PYGO1: variants seen among roughly 807,000 people sequenced by gnomAD.
PYGO1 encodes pygopus homolog 1.
Under a neutral mutation model 29.5 loss-of-function variants are expected in PYGO1, and 6 were observed. The observed-to-expected ratio is 0.20, with a 90% CI of 0.11 to 0.40. The LOEUF is 0.40. Ranked by LOEUF, PYGO1 falls within the 10% of genes least tolerant of loss-of-function variation. The probability of loss-of-function intolerance (pLI) is 1.00; values close to 1 mark genes in which losing one functional copy is unlikely to be tolerated. For missense variants in PYGO1, 515 were observed against 514.9 expected, an observed-to-expected ratio of 1.00 and a Z score of 0.00; for synonymous variants, 186 against 180.5, an observed-to-expected ratio of 1.03 and a Z score of -0.24.
chr15:55,571,501 C>A (rs184209302), intron 1 of PYGO1, among the ~76,000 whole-genome samples: 5 of 152,216 alleles, frequency 3.3e-5, no homozygotes, highest in Non-Finnish European at 1.5e-5. Context: ...ATCATGGGGG[C>A]AGGTCTTTCC....
At chr15:55,558,759 G>A (rs571410708) in intron 1 of PYGO1, among the ~76,000 whole-genome samples, 9 of 152,066 alleles carry the variant, frequency 5.9e-5, no homozygotes, top group East Asian at 5.8e-4. Context: ...AATAAATGGT[G>A]CTGGGAAAAC....
intron 1 of PYGO1, among the ~76,000 whole-genome samples, chr15:55,563,648 C>A (rs930596575): frequency 6.6e-6 from 1 of 152,172 alleles, no homozygotes; most frequent in Non-Finnish European, 1.5e-5. Context: ...CCACGTCCAG[C>A]CACAAATAAA....
intron 1 of PYGO1, among the ~76,000 whole-genome samples, chr15:55,551,647 T>A (rs953111268): frequency 4.0e-5 from 6 of 149,410 alleles, no homozygotes; most frequent in African/African-American, 1.5e-4. Context: ...AAATTAAAAT[T>A]AAAAAAAAAA....
chr15:55,552,410 C>T (rs2058883352), intron 1 of PYGO1, among the ~76,000 whole-genome samples: 1 of 149,184 alleles, frequency 6.7e-6, no homozygotes, highest in Non-Finnish European at 1.5e-5. Flanking sequence ...GTCCATGGCT[C>T]TCAGGGAGAA....
chr15:55,566,212 C>T (rs768572692), intron 1 of PYGO1, among the ~76,000 whole-genome samples: 1 of 151,950 alleles, frequency 6.6e-6, no homozygotes, highest in East Asian at 1.9e-4. Context: ...GTTTTCAAAC[C>T]CTGCCCCTAA....
rs1449012212 is a variant in PYGO1 at position 55,539,417 on chromosome 15, T to C, written c.*6606A>G. 1 of 151,864 alleles carries C rather than the reference T, an allele frequency of 6.6e-6. No homozygotes were observed. Among genetic ancestry groups the C allele is most frequent in the African/African-American group, 2.4e-5 (1 of 41,388 alleles). The allele number at this position is 151,864 out of a possible 1,614,324, so 9.4% of individuals were successfully genotyped here. A position where few individuals can be genotyped will look rare whatever the true frequency, so the allele number is the denominator to read the frequency against. The stretch of plus-strand genomic sequence containing the variant: ...AAGCCAATTTCATTTGTCTGAGAAT[T>C]GTAACCTGGTCATTAACCAAAAAAA... On this transcript the variant is annotated 3_prime_UTR_variant, in exon 3 of 3. Transcript: ENST00000563719.
chr15:55,558,569 G>A (rs1424418863), intron 1 of PYGO1, among the ~76,000 whole-genome samples: 1 of 152,108 alleles, frequency 6.6e-6, no homozygotes, highest in Non-Finnish European at 1.5e-5. Flanking sequence ...AACAAAGCTG[G>A]AGGAATCATG....
In PYGO1 at chr15:55,539,383, T is replaced by C. The variant is rs758272368; in HGVS notation, c.*6640A>G. 6.6e-6 allele frequency: 1 copy of C among 152,012 alleles called. No homozygotes were observed. Among genetic ancestry groups the C allele is most frequent in the Non-Finnish European group, 1.5e-5 (1 of 67,952 alleles). The allele number at this position is 152,012 out of a possible 1,614,324, so 9.4% of individuals were successfully genotyped here. On this transcript the variant is annotated 3_prime_UTR_variant, in exon 3 of 3. Coordinates refer to ENST00000563719, the MANE Select transcript of PYGO1 (RefSeq NM_001367806.1). ...ACTTTCCATTATCTACTATATTCAA[T>C]CAGTTATCAAGCCAATTTCATTTGT...
chr15:55,576,760 C>CAAAAAAAAA (rs10648446), intron 1 of PYGO1, among the ~76,000 whole-genome samples: 4 of 53,574 alleles, frequency 7.5e-5, no homozygotes, highest in Admixed American at 3.4e-4. Flanking sequence ...GGCGACAGAT[C>CAAAAAAAAA]AAAAAAAAGA....
In PYGO1 at chr15:55,539,008, C is replaced by T. The variant is rs2058818201; in HGVS notation, c.*7015G>A. 1 of 152,134 alleles carries T rather than the reference C, an allele frequency of 6.6e-6. No homozygotes were observed. The highest frequency in any genetic ancestry group is 2.4e-5 in the African/African-American group (1 of 41,452). 9.4% of individuals were successfully genotyped at this position (152,134 alleles called of 1,614,324 possible). On this transcript the variant is annotated 3_prime_UTR_variant, in exon 3 of 3. Transcript: ENST00000563719. ...TACATCATTTCTACTAATGGTAGGT[C>T]TATATACTGATAAACAACATTCCTT... is the stretch of plus-strand genomic sequence containing the variant.
intron 1 of PYGO1, among the ~76,000 whole-genome samples, chr15:55,563,018 G>C (rs1428781119): frequency 6.6e-6 from 1 of 151,934 alleles, no homozygotes; most frequent in Non-Finnish European, 1.5e-5. Context: ...AGAGCATCGT[G>C]ACCTTGATTA....
chr15:55,554,468 CAAAAAAAAA>C (rs56216226), intron 1 of PYGO1, among the ~76,000 whole-genome samples: 1 of 122,898 alleles, frequency 8.1e-6, no homozygotes, highest in Non-Finnish European at 1.6e-5. Context: ...GACTCTGTCT[CAAAAAAAAA>C]AAAAAAAAAA....
intron 1 of PYGO1, among the ~76,000 whole-genome samples, chr15:55,572,194 T>C (rs772450170): frequency 6.6e-6 from 1 of 152,090 alleles, no homozygotes; most frequent in Non-Finnish European, 1.5e-5. Flanking sequence ...AATACGGGCA[T>C]AAAAACACAC....
In PYGO1 at chr15:55,587,914, G is replaced by C; in HGVS notation, c.-31C>G. ...ACCGCAAAGCATGACTCCCCCCCAG[G>C]CCGCGGGAATTCGGTCTCTTTGATG... is the stretch of plus-strand genomic sequence containing the variant. On this transcript the variant is annotated 5_prime_UTR_variant, in exon 1 of 3. Coordinates refer to ENST00000563719, the MANE Select transcript of PYGO1 (RefSeq NM_001367806.1). 11 of 1,464,348 alleles carry C rather than the reference G, an allele frequency of 7.5e-6. No individual in the cohort carries two copies. The highest frequency in any genetic ancestry group is 9.9e-6 in the Non-Finnish European group (11 of 1,106,464). The allele number at this position is 1,464,348 out of a possible 1,614,324, so 90.7% of individuals were successfully genotyped here. A position where few individuals can be genotyped will look rare whatever the true frequency, so the allele number is the denominator to read the frequency against.
At chr15:55,584,588 A>G (rs532408796) in intron 1 of PYGO1, among the ~76,000 whole-genome samples, 4 of 152,310 alleles carry the variant, frequency 2.6e-5, no homozygotes, top group Non-Finnish European at 5.9e-5. Context: ...CTAAGGGAAA[A>G]GGGCAAGTAA....
chr15:55,548,829 T>C (rs2058865405), intron 2 of PYGO1, 81 bp downstream of exon 2: 1 of 1,118,472 alleles, frequency 8.9e-7, no homozygotes, highest in East Asian at 2.7e-5. Flanking sequence ...AAAACAAAAC[T>C]TATGACCAAG....
At chr15:55,570,429 G>T (rs1008288488) in intron 1 of PYGO1, among the ~76,000 whole-genome samples, 16 of 151,766 alleles carry the variant, frequency 1.1e-4, no homozygotes, top group Non-Finnish European at 1.8e-4. Context: ...AATCTTGGCT[G>T]CATGTTGGAA....
intron 1 of PYGO1, among the ~76,000 whole-genome samples, chr15:55,580,679 G>T (rs1300382769): frequency 2.0e-5 from 3 of 152,158 alleles, no homozygotes; most frequent in Non-Finnish European, 2.9e-5. Context: ...TGGCAGTCAG[G>T]CTCACAGTTA....
intron 1 of PYGO1, among the ~76,000 whole-genome samples, chr15:55,578,949 A>C (rs1284806870): frequency 6.6e-6 from 1 of 152,174 alleles, no homozygotes; most frequent in Non-Finnish European, 1.5e-5. Flanking sequence ...CCATACACTA[A>C]GTCTTCCTCA....
Sources: allele counts gnomAD v4.1 joint callset (sites outside exome capture counted in the v4.1 genomes callset), GRCh38; gene constraint gnomAD v4.1.1; transcripts MANE v1.5; gene names NCBI Gene and HGNC (gene_info 2026-07-23, HGNC 2026-07-21).